The following GREP1 variants were observed in gnomAD, a reference collection of about 807,000 sequenced individuals.
The protein encoded by GREP1 is glycine-rich extracellular protein 1.
At chr16:3,000,274 C>T (rs2072453094) in intron 29 of GREP1, 156 bp downstream of exon 26, 1 of 399,398 alleles carries the variant, frequency 2.5e-6, no homozygotes, top group Non-Finnish European at 4.4e-6. Context: ...TAGCTCCTCT[C>T]CAATCTCTGT....
chr16:2,993,624 G>C (rs1183273357), intron 10 of GREP1: 2 of 152,194 alleles, frequency 1.3e-5, no homozygotes, highest in Non-Finnish European at 2.9e-5. Context: ...TGGAGATCTT[G>C]CCACTGTACT....
At chr16:2,995,837 C>G (rs373621158) in intron 17 of GREP1, 66 bp downstream of exon 17, 11 of 398,590 alleles carry the variant, frequency 2.8e-5, no homozygotes, top group East Asian at 7.1e-5. Context: ...GCACTCTACT[C>G]ATGCTCCCTC....
intron 23 of GREP1, among the ~76,000 whole-genome samples, chr16:2,998,040 AG>A (rs1347935789): frequency 3.1e-4 from 32 of 104,812 alleles, no homozygotes; most frequent in Non-Finnish European, 3.6e-5. Context: ...CAACGGACAG[AG>A]TTGGGTCTCA....
chr16:2,997,856 A>C (rs1596462800), intron 23 of GREP1, 21 bp downstream of exon 21: 3 of 396,884 alleles, frequency 7.6e-6, no homozygotes, highest in East Asian at 7.2e-5. Context: ...CCCACTCCTC[A>C]CTCTCCCTAC....
chr16:2,990,194 G>A, intron 5 of GREP1, 72 bp downstream of exon 5: 1 of 398,438 alleles, frequency 2.5e-6, no homozygotes, highest in Non-Finnish European at 4.4e-6. Flanking sequence ...TGGAGAGATT[G>A]TTGGGGGGAG....
chr16:2,994,527 A>G (rs1002454700), intron 10 of GREP1, 171 bp from the exon 12 acceptor site: 11 of 396,762 alleles, frequency 2.8e-5, no homozygotes, highest in Non-Finnish European at 4.0e-5. Flanking sequence ...TAAAAAAAAG[A>G]GCTCAGACCC....
At chr16:3,001,124 C>T (rs1259303502) in intron 33 of GREP1, among the ~76,000 whole-genome samples, 157 bp from the exon 28 acceptor site, 2 of 152,126 alleles carry the variant, frequency 1.3e-5, no homozygotes, top group Non-Finnish European at 2.9e-5. Context: ...GTTCTCCATA[C>T]TCTGTCCCTC....
chr16:2,998,173 G>A (rs114358121), intron 23 of GREP1, among the ~76,000 whole-genome samples, 183 bp from the exon 22 acceptor site: 3,891 of 152,002 alleles, frequency 0.026, 91 homozygotes, highest in African/African-American at 0.066. Context: ...CCTTCTCCAA[G>A]GTCCCCCACT....
intron 12 of GREP1, 36 bp downstream of exon 13, chr16:2,994,874 A>G (rs2072416737): frequency 2.5e-6 from 1 of 399,000 alleles, no homozygotes. Context: ...CTGCCTCCCC[A>G]AAACCTGAGC....
exon 21 of GREP1, chr16:2,996,988 T>G (rs560207500): frequency 7.5e-6 from 3 of 399,156 alleles, no homozygotes; most frequent in African/African-American, 6.2e-5. Context: ...GGGGCAGGGC[T>G]GGGGTTCCAG....
At chr16:3,001,258 T>C (rs1396169700) in intron 33 of GREP1, 23 bp from the exon 28 acceptor site, 4 of 399,012 alleles carry the variant, frequency 1.0e-5, no homozygotes, top group Non-Finnish European at 1.8e-5. Context: ...CGAGTGCTCC[T>C]GGTCTGTCTG....
chr16:2,994,465 C>A (rs1407920332), intron 10 of GREP1: 2 of 349,622 alleles, frequency 5.7e-6, no homozygotes, highest in Non-Finnish European at 1.0e-5. Flanking sequence ...ACCAAGATCA[C>A]GCCATTGCTC....
At chr16:2,990,325 G>A (rs928376214) in intron 5 of GREP1, 10 of 398,256 alleles carry the variant, frequency 2.5e-5, no homozygotes, top group South Asian at 1.4e-4. Flanking sequence ...TCTCTCCCAC[G>A]AGCCCTTCCA....
At chr16:2,998,927 C>T in exon 26 of GREP1, 1 of 399,134 alleles carries the variant, frequency 2.5e-6, no homozygotes, top group Non-Finnish European at 4.4e-6. Context: ...AAGAGGGTGG[C>T]TGGGGCCTGA....
Position 2,989,579 on chromosome 16 carries a change from C to T in GREP1, c.130+27C>T, listed in dbSNP as rs952695833. On this transcript the variant is annotated intron_variant, in intron 3 of 34. Transcript: ENST00000573315. The surrounding 1 kb of genome is among the most constrained non-coding windows in gnomAD (Gnocchi z 4.2). ...TGAGGCCTGGCATAGGGAAGGGAGGCGTCTGAGGGCAGGGCACGGGGCAGG... is the reference window on the plus strand; with the variant it reads ...TGAGGCCTGGCATAGGGAAGGGAGGTGTCTGAGGGCAGGGCACGGGGCAGG... The T allele has an allele frequency of 5.3e-5, 21 of 397,522 alleles. No individual in the cohort carries two copies. The highest frequency in any genetic ancestry group is 2.6e-4 in the South Asian group (2 of 7,764). 24.6% of individuals were successfully genotyped at this position (397,522 alleles called of 1,614,324 possible).
chr16:2,990,237 G>C (rs1266228897), intron 5 of GREP1, 115 bp downstream of exon 5: 1 of 398,090 alleles, frequency 2.5e-6, no homozygotes, highest in Non-Finnish European at 4.4e-6. Context: ...GCTGGTGTCT[G>C]GCTTAGTCCA....
In GREP1 at chr16:2,991,422, G is replaced by A. The variant is rs1596461397; in HGVS notation, c.322+321G>A. 3.6e-6 allele frequency: 1 copy of A among 274,116 alleles called. No homozygotes were observed. 17.0% of individuals were successfully genotyped at this position (274,116 alleles called of 1,614,324 possible). On this transcript the variant is annotated intron_variant, in intron 8 of 34. Coordinates refer to ENST00000573315, the Ensembl canonical transcript of GREP1. The surrounding 1 kb of genome is among the most constrained non-coding windows in gnomAD (Gnocchi z 4.9). ...TTTGGGCGCTGGCACTCTTCCAGGG[G>A]CAGGAACCCCACCAGGTGAGGGTGG...
intron 10 of GREP1, chr16:2,993,226 G>A (rs754528940): frequency 8.2e-4 from 255 of 311,848 alleles, no homozygotes; most frequent in South Asian, 1.3e-3. Context: ...AGGGATGGGT[G>A]GACTCACAGG....
exon 31 of GREP1, chr16:3,000,449 C>T (rs902265935): frequency 2.5e-6 from 1 of 399,224 alleles, no homozygotes; most frequent in African/African-American, 2.1e-5. Context: ...TTCCATGGGG[C>T]CAATGGTTTT....
Sources: allele counts gnomAD v4.1 joint callset (sites outside exome capture counted in the v4.1 genomes callset), GRCh38; gene constraint gnomAD v4.1.1; non-coding constraint Gnocchi (gnomAD v3.1); transcripts MANE v1.5; gene names NCBI Gene and HGNC (gene_info 2026-07-23, HGNC 2026-07-21).